Variants in AGMO observed in about 807,000 individuals in gnomAD.
AGMO encodes alkylglycerol monooxygenase.
In AGMO, 75 loss-of-function variants were observed where a neutral mutation model predicts 60.2. The observed-to-expected ratio is 1.25, with a 90% CI of 1.03 to 1.51. The LOEUF is 1.51. Among genes scored for constraint, AGMO ranks in the 40% most tolerant of loss-of-function variants. The pLI, the probability that AGMO is intolerant of heterozygous loss-of-function variation, is 0.00. For synonymous variants in AGMO, 261 were observed against 177.1 expected, an observed-to-expected ratio of 1.47 and a Z score of -3.76; for missense variants, 763 against 525.5, an observed-to-expected ratio of 1.45 and a Z score of -4.42.
chr7:15,483,216 A>C (rs1393283001), intron 3 of AGMO, among the ~76,000 whole-genome samples: 1 of 152,184 alleles, frequency 6.6e-6, no homozygotes, highest in Non-Finnish European at 1.5e-5. Context: ...ATATCCAAAA[A>C]TTATTATATT....
chr7:15,306,140 A>T (rs1433926476), intron 12 of AGMO: 1 of 155,300 alleles, frequency 6.4e-6, no homozygotes, highest in Non-Finnish European at 1.4e-5. Context: ...GACTGCCATT[A>T]CTCACTTTAC....
In AGMO at chr7:15,423,935, T is replaced by G. The variant is rs548327858; in HGVS notation, c.514-5282A>C. On this transcript the variant is annotated intron_variant, in intron 4 of 12. Transcript: ENST00000342526. ...TTCTAAGCCACCTAGCTCTGGGTAC[T>G]TTGTTACAGCAGCCTCAGGAAATTA... Among the ~76,000 whole-genome samples the G allele has an allele frequency of 4.6e-5, 7 of 152,294 alleles. No individual in the cohort carries two copies. The East Asian group carries it at 1.4e-3, about 29-fold the overall frequency.
At chr7:15,293,905 T>G (rs188850639) in intron 12 of AGMO, among the ~76,000 whole-genome samples, 19 of 152,200 alleles carry the variant, frequency 1.2e-4, no homozygotes, top group African/African-American at 4.3e-4. Context: ...CACACAGAGG[T>G]GCAATATCTC....
At chr7:15,290,680 T>C (rs1784237646) in intron 12 of AGMO, among the ~76,000 whole-genome samples, 1 of 152,182 alleles carries the variant, frequency 6.6e-6, no homozygotes, top group African/African-American at 2.4e-5. Flanking sequence ...GTCTTATAGA[T>C]AGTGTTTAGA....
the AGMO span, among the ~76,000 whole-genome samples, chr7:15,182,922 G>A: frequency 7.9e-5 from 12 of 152,176 alleles, no homozygotes; most frequent in African/African-American, 2.7e-4. Context: ...AGGAGGAAGA[G>A]AGAGAGTGGA....
chr7:15,420,590 G>A (rs1409185420), intron 4 of AGMO, among the ~76,000 whole-genome samples: 1 of 152,086 alleles, frequency 6.6e-6, no homozygotes, highest in Non-Finnish European at 1.5e-5. Context: ...ACAATCGAAA[G>A]CAGCTTAGTA....
chr7:15,556,490 A>G (rs1166345061), intron 2 of AGMO, among the ~76,000 whole-genome samples: 1 of 152,024 alleles, frequency 6.6e-6, no homozygotes, highest in Non-Finnish European at 1.5e-5. Flanking sequence ...CCCATTAAAA[A>G]CAAACATACT....
At chr7:15,487,233 G>A (rs1394347330) in intron 3 of AGMO, among the ~76,000 whole-genome samples, 1 of 152,020 alleles carries the variant, frequency 6.6e-6, no homozygotes, top group Admixed American at 6.6e-5. Flanking sequence ...AAAATAGCAA[G>A]ATGTAAATGT....
intron 12 of AGMO, among the ~76,000 whole-genome samples, chr7:15,351,687 T>A (rs967879852): frequency 1.8e-4 from 28 of 152,336 alleles, no homozygotes; most frequent in Admixed American, 4.6e-4. Flanking sequence ...GTTCATGCAA[T>A]AGCAGCTACT....
intron 12 of AGMO, among the ~76,000 whole-genome samples, chr7:15,352,447 GTTTTT>G (rs564021801): frequency 1.3e-4 from 18 of 135,366 alleles, no homozygotes; most frequent in African/African-American, 5.2e-4. Flanking sequence ...CCAGAAGTAT[GTTTTT>G]TTTTTTTTTT....
rs1784340274 is a variant in AGMO at position 15,531,371 on chromosome 7, CT to C, written c.409+13400del. Reference sequence around the variant, plus strand: ...TCTATATATATTCTATATATATATTCTATATATATTCTATATATATTCTATA... The same window carrying C: ...TCTATATATATTCTATATATATATTCATATATATTCTATATATATTCTATA... On this transcript the variant is annotated intron_variant, in intron 3 of 12. Transcript: ENST00000342526. 3.8e-5 allele frequency among the ~76,000 whole-genome samples: 3 copies of C among 78,492 alleles called. No homozygotes were observed. In the Admixed American group the frequency reaches 5.7e-4, roughly 15 times the overall value. 51.5% of individuals were successfully genotyped at this position (78,492 alleles called of 152,430 possible). A position where few individuals can be genotyped will look rare whatever the true frequency, so the allele number is the denominator to read the frequency against.
At chr7:15,283,444 TG>T (rs1211870194) in intron 12 of AGMO, among the ~76,000 whole-genome samples, 1 of 151,888 alleles carries the variant, frequency 6.6e-6, no homozygotes, top group Admixed American at 6.6e-5. Context: ...TTCTTATATC[TG>T]ATCAAAAAGA....
intron 12 of AGMO, among the ~76,000 whole-genome samples, chr7:15,244,659 T>G (rs564821276): frequency 3.5e-4 from 53 of 152,194 alleles, no homozygotes; most frequent in African/African-American, 1.3e-3. Context: ...GTTTGTTTTG[T>G]TTTTTTGGAG....
chr7:15,330,215 C>T lies in AGMO; in HGVS notation c.1263+35299G>A, dbSNP rs573007466. ...TTTAAAAAGTAATACATCCATCTGC[C>T]AACCTACTAGTAGTACTAAAATAAT... On this transcript the variant is annotated intron_variant, in intron 12 of 12. Coordinates refer to ENST00000342526, the MANE Select transcript of AGMO (RefSeq NM_001004320.2). 2.6e-5 allele frequency among the ~76,000 whole-genome samples: 4 copies of T among 152,192 alleles called. No individual in the cohort carries two copies. In the East Asian group the frequency reaches 7.7e-4, roughly 29 times the overall value.
rs138258293 is a variant in AGMO, at chr7:15,373,062, G to C, written c.1075-6840C>G. Among the ~76,000 whole-genome samples the C allele has an allele frequency of 2.4e-3, 366 of 152,152 alleles. 1 individual carries two copies. Among genetic ancestry groups the C allele is most frequent in the Non-Finnish European group, 4.6e-3 (311 of 68,010 alleles). ...GCAATTCACTTGAGGCCAGGAGTTC[G>C]AGACCAGCCTGGCCAACATGGCAAA... On this transcript the variant is annotated intron_variant, in intron 10 of 12. Coordinates refer to ENST00000342526, the MANE Select transcript of AGMO (RefSeq NM_001004320.2).
At chr7:15,340,647 T>C (rs1218089560) in intron 12 of AGMO, among the ~76,000 whole-genome samples, 2 of 152,140 alleles carry the variant, frequency 1.3e-5, no homozygotes, top group African/African-American at 4.8e-5. Context: ...GGCAGCTCCA[T>C]GTGGTGTTGG....
intron 12 of AGMO, among the ~76,000 whole-genome samples, chr7:15,358,018 T>C (rs6461170): frequency 0.56 from 84,750 of 151,952 alleles, 24,865 homozygotes; most frequent in African/African-American, 0.76. Flanking sequence ...AAGTATGAAG[T>C]TTGCTAAGAA....
chr7:15,299,433 A>G (rs1238860045), intron 12 of AGMO, among the ~76,000 whole-genome samples: 3 of 152,056 alleles, frequency 2.0e-5, no homozygotes, highest in Non-Finnish European at 4.4e-5. Flanking sequence ...AAATTACTCA[A>G]CTCTATCTCA....
Position 15,517,480 on chromosome 7 carries a change from G to T in AGMO, c.409+27292C>A, listed in dbSNP as rs12699728. Among the ~76,000 whole-genome samples, 327 of 150,536 alleles carry T rather than the reference G, an allele frequency of 2.2e-3. 1 individual carries two copies. The highest frequency in any genetic ancestry group is 3.5e-3 in the Non-Finnish European group (238 of 67,686). ...ACTGAGGTACCTGGCTCATCTCACTGGGACTGGTTAGACAGTGGGTGCAGC... is the reference window on the plus strand; with the variant it reads ...ACTGAGGTACCTGGCTCATCTCACTTGGACTGGTTAGACAGTGGGTGCAGC... On this transcript the variant is annotated intron_variant, in intron 3 of 12. Coordinates refer to ENST00000342526, the MANE Select transcript of AGMO (RefSeq NM_001004320.2).
Sources: allele counts gnomAD v4.1 joint callset (sites outside exome capture counted in the v4.1 genomes callset), GRCh38; gene constraint gnomAD v4.1.1; transcripts MANE v1.5; gene names NCBI Gene and HGNC (gene_info 2026-07-23, HGNC 2026-07-21).